SGPP2: variants seen among roughly 807,000 people sequenced by gnomAD.
SGPP2 encodes sphingosine 1-phosphate phosphohydrolase 2.
A neutral mutation model predicts 33.9 loss-of-function variants in SGPP2; 30 were observed. The observed-to-expected ratio is 0.89, with a 90% confidence interval of 0.66 to 1.20. The LOEUF (loss-of-function observed/expected upper bound fraction) is 1.20. Among genes scored for constraint, SGPP2 ranks in the 50% most tolerant of loss-of-function variants. SGPP2 has a pLI of 0.00. For synonymous variants in SGPP2, 233 were observed against 225.0 expected, an observed-to-expected ratio of 1.04 and a Z score of -0.32; for missense variants, 458 against 532.1, an observed-to-expected ratio of 0.86 and a Z score of 1.37.
At chr2:222,527,416 T>G (rs903280895) in intron 4 of SGPP2, among the ~76,000 whole-genome samples, 1 of 152,256 alleles carries the variant, frequency 6.6e-6, no homozygotes, top group Admixed American at 6.5e-5. Context: ...AGTGAACACT[T>G]GGGCTCACCT....
At chr2:222,452,638 G>C in intron 1 of SGPP2, 4 of 1,373,246 alleles carry the variant, frequency 2.9e-6, no homozygotes, top group Non-Finnish European at 4.1e-6. Flanking sequence ...CACCAGGTCT[G>C]AGTGTTCCAG....
intron 2 of SGPP2, among the ~76,000 whole-genome samples, chr2:222,518,558 T>G (rs944025697): frequency 2.6e-5 from 4 of 152,208 alleles, no homozygotes; most frequent in African/African-American, 7.2e-5. Context: ...AAGCAGCTTC[T>G]GAGAAATTCC....
intron 2 of SGPP2, among the ~76,000 whole-genome samples, chr2:222,494,529 A>G (rs921955849): frequency 2.6e-5 from 4 of 152,232 alleles, no homozygotes; most frequent in South Asian, 4.1e-4. Context: ...CGGCTGCCCA[A>G]CTTGCACTTG....
chr2:222,497,694 T>C (rs1425183598), intron 2 of SGPP2, among the ~76,000 whole-genome samples: 1 of 152,234 alleles, frequency 6.6e-6, no homozygotes, highest in African/African-American at 2.4e-5. Flanking sequence ...TGTCAAGTGG[T>C]ACAGATTAAG....
At chr2:222,554,356 A>G (rs1689351858) in intron 4 of SGPP2, among the ~76,000 whole-genome samples, 1 of 152,246 alleles carries the variant, frequency 6.6e-6, no homozygotes, top group African/African-American at 2.4e-5. Flanking sequence ...CTGCGTGGCT[A>G]TATCATAGTT....
chr2:222,445,417 C>T (rs889754141), intron 1 of SGPP2, among the ~76,000 whole-genome samples: 4 of 152,226 alleles, frequency 2.6e-5, no homozygotes, highest in Non-Finnish European at 4.4e-5. Context: ...GCAGCTCCCT[C>T]AGTCCCCAGG....
intron 4 of SGPP2, among the ~76,000 whole-genome samples, chr2:222,528,878 A>C (rs1216496815): frequency 6.6e-6 from 1 of 152,196 alleles, no homozygotes; most frequent in Non-Finnish European, 1.5e-5. Context: ...CAGCCTCCCA[A>C]AGTGCTGGGA....
Position 222,512,224 on chromosome 2 carries a change from G to A in SGPP2, c.379-9543G>A, listed in dbSNP as rs1698540562. On this transcript the variant is annotated intron_variant, in intron 2 of 4. Coordinates refer to ENST00000321276, the MANE Select transcript of SGPP2 (RefSeq NM_152386.4). ...GATGGGGTTTCACCGTGTTAGCCAG[G>A]ATGGTCTCAATCTCCTGACCTCGTG... Among the ~76,000 whole-genome samples, 3 of 151,232 alleles carry A rather than the reference G, an allele frequency of 2.0e-5. No individual in the cohort carries two copies. In the South Asian group the frequency reaches 6.3e-4, roughly 32 times the overall value.
intron 2 of SGPP2, among the ~76,000 whole-genome samples, chr2:222,484,096 T>C (rs987912016): frequency 2.0e-5 from 3 of 152,166 alleles, no homozygotes; most frequent in African/African-American, 7.2e-5. Flanking sequence ...AAGGAAAAGG[T>C]TTGGTTTTAG....
intron 1 of SGPP2, among the ~76,000 whole-genome samples, chr2:222,451,612 G>C (rs1697490328): frequency 6.6e-6 from 1 of 152,222 alleles, no homozygotes; most frequent in Non-Finnish European, 1.5e-5. Flanking sequence ...TCTGCCACTT[G>C]CTAGACTTTC....
rs1697136903 is a variant in SGPP2, at chr2:222,430,445, A to T, written c.219+5624A>T. Among the ~76,000 whole-genome samples the T allele has an allele frequency of 2.0e-5, 3 of 152,186 alleles. No homozygotes were observed. In the South Asian group the frequency reaches 6.2e-4, roughly 32 times the overall value. ...TCTTAAAGAACATAGGCTCTATTCC[A>T]CCTTTTAGGGAAGGAAGCATAGCTC... On this transcript the variant is annotated intron_variant, in intron 1 of 4. Transcript: ENST00000321276.
At chr2:222,534,211 G>A (rs914639326) in intron 4 of SGPP2, among the ~76,000 whole-genome samples, 6 of 152,210 alleles carry the variant, frequency 3.9e-5, no homozygotes, top group South Asian at 2.1e-4. Flanking sequence ...ATGATGCCCT[G>A]ACTATTCAAC....
chr2:222,518,921 C>T lies in SGPP2; in HGVS notation c.379-2846C>T, dbSNP rs529270174. The stretch of plus-strand genomic sequence containing the variant: ...TTACTGGGTTTGCTGGAATTATGCA[C>T]GGAATTAACCGGCAACTCAAGGAGT... On this transcript the variant is annotated intron_variant, in intron 2 of 4. Coordinates refer to ENST00000321276, the MANE Select transcript of SGPP2 (RefSeq NM_152386.4). 7.9e-5 allele frequency among the ~76,000 whole-genome samples: 12 copies of T among 152,160 alleles called. No individual in the cohort carries two copies. In the South Asian group the frequency reaches 2.3e-3, roughly 29 times the overall value.
At chr2:222,452,563 G>T (rs1343279532) in intron 1 of SGPP2, 1 of 1,189,938 alleles carries the variant, frequency 8.4e-7, no homozygotes, top group Non-Finnish European at 1.3e-6. Context: ...ATGCAGGACT[G>T]TAGAGATTCC....
chr2:222,547,493 C>G (rs1046183345), intron 4 of SGPP2, among the ~76,000 whole-genome samples: 20 of 152,120 alleles, frequency 1.3e-4, no homozygotes, highest in African/African-American at 4.8e-4. Context: ...GAAGTCAAGA[C>G]AAGCAAGTGA....
At chr2:222,537,282 C>T (rs1454680746) in intron 4 of SGPP2, among the ~76,000 whole-genome samples, 1 of 152,282 alleles carries the variant, frequency 6.6e-6, no homozygotes, top group East Asian at 1.9e-4. Flanking sequence ...TGACTACATA[C>T]ATTTTTAAAG....
rs16863848 is a variant in SGPP2 at position 222,524,926 on chromosome 2, T to A, written c.559-18T>A. 8,310 of 1,605,698 alleles carry A rather than the reference T, an allele frequency of 5.2e-3. 267 individuals are homozygous for A. The African/African-American group carries it at 0.079, about 15-fold the overall frequency. On this transcript the variant is annotated intron_variant, in intron 3 of 4. Transcript: ENST00000321276. ...TGAGTGTGATCTAATTCCCTTGTTT[T>A]TTCTCCTTCCCCCACAGTATCCATT...
intron 1 of SGPP2, among the ~76,000 whole-genome samples, chr2:222,466,975 C>T (rs1220668318): frequency 2.0e-5 from 3 of 152,102 alleles, no homozygotes. Flanking sequence ...TCACTGTTCC[C>T]CTCTGGTTTG....
chr2:222,544,377 A>G (rs1689141110), intron 4 of SGPP2, among the ~76,000 whole-genome samples: 2 of 152,224 alleles, frequency 1.3e-5, no homozygotes, highest in Non-Finnish European at 2.9e-5. Context: ...AAAGTCATAG[A>G]GTGGAATATT....
Sources: gnomAD v4.1 joint callset for allele counts (sites outside exome capture counted in the v4.1 genomes callset) on GRCh38, gnomAD v4.1.1 for gene constraint, MANE v1.5 for transcripts, NCBI Gene and HGNC (gene_info 2026-07-23, HGNC 2026-07-21) for gene names.